The following SDC2 variants were observed in gnomAD, a reference collection of about 807,000 sequenced individuals.
The protein encoded by SDC2 is syndecan-2.
A neutral mutation model predicts 22.2 loss-of-function variants in SDC2; 13 were observed. That is an observed-to-expected ratio of 0.59 (90% CI 0.38 to 0.93). The LOEUF (loss-of-function observed/expected upper bound fraction) is 0.93, where lower values mean the gene tolerates loss of function less well. SDC2 is among the 40% of genes least tolerant of loss of function. SDC2 has a pLI of 0.00. For synonymous variants in SDC2, 94 were observed against 92.8 expected, an observed-to-expected ratio of 1.01 and a Z score of -0.07; for missense variants, 235 against 246.8, an observed-to-expected ratio of 0.95 and a Z score of 0.32.
rs547739793 is a variant in SDC2, at chr8:96,602,658, A to G, written c.306+130A>G. The G allele has an allele frequency of 1.7e-5, 16 of 959,850 alleles. No homozygotes were observed. The South Asian group carries it at 3.3e-4, about 20-fold the overall frequency. The allele number at this position is 959,850 out of a possible 1,614,324, so 59.5% of individuals were successfully genotyped here. A position where few individuals can be genotyped will look rare whatever the true frequency, so the allele number is the denominator to read the frequency against. On this transcript the variant is annotated intron_variant, in intron 3 of 4. Coordinates refer to ENST00000302190, the MANE Select transcript of SDC2 (RefSeq NM_002998.4). ...GCTACCCATCATGAACTATGTACAC[A>G]ACAGTTCTTTTAAAAGACCCCACTT...
In SDC2 at chr8:96,605,918, C is replaced by T. The variant is rs903868741; in HGVS notation, c.307-2417C>T. Among the ~76,000 whole-genome samples the T allele has an allele frequency of 3.9e-5, 6 of 152,180 alleles. No individual in the cohort carries two copies. In the East Asian group the frequency reaches 1.2e-3, roughly 29 times the overall value. ...GTCCCACAGGAGCTACTTGCACAGCCCAAGAAGGTGTGAGGTCTTTTCTTC... is the reference window on the plus strand; with the variant it reads ...GTCCCACAGGAGCTACTTGCACAGCTCAAGAAGGTGTGAGGTCTTTTCTTC... On this transcript the variant is annotated intron_variant, in intron 3 of 4. Transcript: ENST00000302190.
intron 1 of SDC2, among the ~76,000 whole-genome samples, chr8:96,539,598 G>A (rs973355838): frequency 2.0e-5 from 3 of 152,190 alleles, no homozygotes; most frequent in Admixed American, 1.3e-4. Flanking sequence ...CTATGCCATA[G>A]GGATCAAAAG....
intron 1 of SDC2, among the ~76,000 whole-genome samples, chr8:96,535,077 C>T (rs187740114): frequency 6.6e-6 from 1 of 151,812 alleles, no homozygotes; most frequent in Non-Finnish European, 1.5e-5. Context: ...GATCTTGGCT[C>T]ACTGCAACCT....
In SDC2 at chr8:96,518,367, T is replaced by G. The variant is rs557627967; in HGVS notation, c.60+24036T>G. Among the ~76,000 whole-genome samples the G allele has an allele frequency of 2.6e-5, 4 of 151,074 alleles. No individual in the cohort carries two copies. In the East Asian group the frequency reaches 5.8e-4, roughly 22 times the overall value. ...GACTGCCTTACCTTGAGAGGTTTTT[T>G]TTTTTTTTTTTGAGACAGAGTCTCT... On this transcript the variant is annotated intron_variant, in intron 1 of 4. Coordinates refer to ENST00000302190, the MANE Select transcript of SDC2 (RefSeq NM_002998.4).
intron 1 of SDC2, among the ~76,000 whole-genome samples, chr8:96,547,902 C>T (rs1297372906): frequency 3.3e-5 from 5 of 152,174 alleles, no homozygotes; most frequent in Admixed American, 1.3e-4. Flanking sequence ...GCTGGAACTA[C>T]AGGCGCACAC....
At chr8:96,527,257 T>C (rs1813592269) in intron 1 of SDC2, among the ~76,000 whole-genome samples, 1 of 152,152 alleles carries the variant, frequency 6.6e-6, no homozygotes, top group Non-Finnish European at 1.5e-5. Flanking sequence ...GAATGCACCC[T>C]ATTTTGCTAT....
intron 1 of SDC2, among the ~76,000 whole-genome samples, chr8:96,494,545 G>C (rs1813018485): frequency 6.6e-6 from 1 of 152,224 alleles, no homozygotes; most frequent in Non-Finnish European, 1.5e-5. Flanking sequence ...CGCGGTCCGC[G>C]GGAATGGGGG....
intron 1 of SDC2, among the ~76,000 whole-genome samples, chr8:96,521,958 T>C (rs950904226): frequency 1.3e-5 from 2 of 152,234 alleles, no homozygotes; most frequent in Non-Finnish European, 2.9e-5. Flanking sequence ...ACATTTGGGA[T>C]GTATTTTTAT....
At chr8:96,570,011 G>A (rs1418178715) in intron 1 of SDC2, among the ~76,000 whole-genome samples, 2 of 152,182 alleles carry the variant, frequency 1.3e-5, no homozygotes, top group East Asian at 1.9e-4. Flanking sequence ...AAATATATTC[G>A]TGTGATTTGT....
At position 96,515,477 on chromosome 8, in the gene SDC2, T is replaced by C. The variant is rs540504249; in HGVS notation, c.60+21146T>C. 1.3e-3 allele frequency among the ~76,000 whole-genome samples: 203 copies of C among 152,274 alleles called. 2 individuals carry two copies. The highest frequency in any genetic ancestry group is 4.6e-3 in the African/African-American group (191 of 41,558). On this transcript the variant is annotated intron_variant, in intron 1 of 4. Coordinates refer to ENST00000302190, the MANE Select transcript of SDC2 (RefSeq NM_002998.4). ...ATATGGGAAATAGAAGGATGGAGGT[T>C]GCTCTTGATATGGGAAATAGAAGTC...
At position 96,587,709 on chromosome 8, in the gene SDC2, G is replaced by C. The variant is rs1814709696; in HGVS notation, c.61-5771G>C. 2.0e-5 allele frequency among the ~76,000 whole-genome samples: 3 copies of C among 152,140 alleles called. No homozygotes were observed. In the South Asian group the frequency reaches 6.2e-4, roughly 32 times the overall value. On this transcript the variant is annotated intron_variant, in intron 1 of 4. Coordinates refer to ENST00000302190, the MANE Select transcript of SDC2 (RefSeq NM_002998.4). ...CCCATCTATGATGCCAAGAATACTA[G>C]TTCTGAAAGATGTTAAATCGATATT...
intron 1 of SDC2, among the ~76,000 whole-genome samples, chr8:96,531,182 G>A (rs992257330): frequency 5.3e-5 from 8 of 152,354 alleles, no homozygotes; most frequent in African/African-American, 1.9e-4. Flanking sequence ...GAGAGGTAAA[G>A]TAGATTGTTC....
chr8:96,534,953 A>T (rs975711304), intron 1 of SDC2, among the ~76,000 whole-genome samples: 1 of 152,048 alleles, frequency 6.6e-6, no homozygotes, highest in African/African-American at 2.4e-5. Context: ...TAGGGTTGCT[A>T]GATAAAATAT....
At chr8:96,550,746 T>G (rs1814013566) in intron 1 of SDC2, among the ~76,000 whole-genome samples, 1 of 152,176 alleles carries the variant, frequency 6.6e-6, no homozygotes. Flanking sequence ...TTACAGTGAT[T>G]CATTGTAGAT....
intron 1 of SDC2, among the ~76,000 whole-genome samples, chr8:96,542,449 A>T (rs1418063444): frequency 6.6e-6 from 1 of 152,226 alleles, no homozygotes; most frequent in East Asian, 1.9e-4. Flanking sequence ...GACATGGCTA[A>T]TGCCTATTTA....
At position 96,602,491 on chromosome 8, in the gene SDC2, C is replaced by A; in HGVS notation, c.269C>A (p.Thr90Lys). The change falls in exon 3 of 5, where the codon ACG (threonine) becomes AAG (lysine). Residue 90 changes from threonine (T) to lysine (K), a missense_variant. By Grantham distance (78) the Thr-to-Lys change is moderately conservative. Coordinates refer to ENST00000302190, the MANE Select transcript of SDC2 (RefSeq NM_002998.4). ...TSAAPKVETT[T>K]LNIQNKIPAQ... is the part of the protein sequence containing the mutation. ...GCTGCTCCAAAAGTGGAAACCACGA[C>A]GCTGAATATACAGAACAAGATACCT... The A allele has an allele frequency of 6.2e-7, 1 of 1,614,194 alleles. No homozygotes were observed. Among genetic ancestry groups the A allele is most frequent in the Non-Finnish European group, 8.5e-7 (1 of 1,180,012 alleles).
intron 1 of SDC2, among the ~76,000 whole-genome samples, chr8:96,559,229 C>A (rs1814169114): frequency 6.6e-6 from 1 of 151,936 alleles, no homozygotes; most frequent in Non-Finnish European, 1.5e-5. Context: ...GCTTGAATGT[C>A]CAAGGAGGTA....
Position 96,518,473 on chromosome 8 carries a change from G to A in SDC2, c.60+24142G>A, listed in dbSNP as rs1415688382. Among the ~76,000 whole-genome samples the A allele has an allele frequency of 4.0e-4, 61 of 151,166 alleles. No individual in the cohort carries two copies. In the East Asian group the frequency reaches 8.7e-3, roughly 22 times the overall value. The stretch of plus-strand genomic sequence containing the variant: ...CCTCCCAGGTTCACGTCATTCTCCT[G>A]CCTCAGCCTCCCAAGTAGCTGGGAC... On this transcript the variant is annotated intron_variant, in intron 1 of 4. Coordinates refer to ENST00000302190, the MANE Select transcript of SDC2 (RefSeq NM_002998.4).
intron 1 of SDC2, among the ~76,000 whole-genome samples, chr8:96,543,596 T>C (rs1484068665): frequency 6.6e-6 from 1 of 152,208 alleles, no homozygotes; most frequent in Non-Finnish European, 1.5e-5. Context: ...TCAATATCAC[T>C]TTAAATCAAT....
Sources: gnomAD v4.1 joint callset for allele counts (sites outside exome capture counted in the v4.1 genomes callset) on GRCh38, gnomAD v4.1.1 for gene constraint, MANE v1.5 for transcripts, NCBI Gene and HGNC (gene_info 2026-07-23, HGNC 2026-07-21) for gene names.